SRFBP1: variants seen among roughly 807,000 people sequenced by gnomAD.
SRFBP1 encodes serum response factor-binding protein 1.
Under a neutral mutation model 45.5 loss-of-function variants are expected in SRFBP1, and 47 were observed. The ratio of observed to expected loss-of-function variants is 1.03; its 90% CI spans 0.82 to 1.32. SRFBP1 has a LOEUF of 1.32. SRFBP1 is among the 40% of genes most tolerant of loss of function. The probability of loss-of-function intolerance (pLI) is 0.00; values close to 1 mark genes in which losing one functional copy is unlikely to be tolerated. For synonymous variants in SRFBP1, 203 were observed against 166.3 expected (o/e 1.22, Z -1.70); for missense variants, 621 against 484.6 (o/e 1.28, Z -2.64).
chr5:122,071,858 G>A (rs1754460765), intron 2 of SRFBP1, among the ~76,000 whole-genome samples: 1 of 152,106 alleles, frequency 6.6e-6, no homozygotes, highest in Non-Finnish European at 1.5e-5. Context: ...GGAAGAGCAG[G>A]GGAGAATTGT....
chr5:121,972,460 A>G (rs1458833278), intron 1 of SRFBP1, among the ~76,000 whole-genome samples: 2 of 151,900 alleles, frequency 1.3e-5, no homozygotes, highest in Non-Finnish European at 2.9e-5. Context: ...CAGGATGGCT[A>G]GGAAGAATGG....
At chr5:122,024,416 C>G (rs1203868961) in intron 7 of SRFBP1, among the ~76,000 whole-genome samples, 2 of 152,124 alleles carry the variant, frequency 1.3e-5, no homozygotes, top group African/African-American at 4.8e-5. Context: ...AGTAGACTAC[C>G]TGCTAAATCT....
rs555221187 is a variant in SRFBP1, at chr5:122,037,070, G to A, written n.311+14663G>A. On this transcript the variant is annotated intron_variant and non_coding_transcript_variant, in intron 2 of 2. Coordinates refer to the SRFBP1 transcript ENST00000504881. ...TGCACCACCATGCCTGGCTAATTTT[G>A]TATTTTTGGTAGAAACAGGGTTTCT... is the stretch of plus-strand genomic sequence containing the variant. Among the ~76,000 whole-genome samples, 3 of 152,046 alleles carry A rather than the reference G, an allele frequency of 2.0e-5. No individual in the cohort carries two copies. The South Asian group carries it at 6.2e-4, about 32-fold the overall frequency.
intron 4 of SRFBP1, among the ~76,000 whole-genome samples, chr5:122,005,732 T>C (rs139883200): frequency 5.1e-4 from 78 of 152,256 alleles, no homozygotes; most frequent in African/African-American, 1.8e-3. Flanking sequence ...TTTGTTCCTT[T>C]CTTTCTCTCT....
chr5:122,071,579 A>C (rs1754454749), intron 2 of SRFBP1, among the ~76,000 whole-genome samples: 1 of 152,184 alleles, frequency 6.6e-6, no homozygotes, highest in Admixed American at 6.5e-5. Context: ...GCTTTTAAGA[A>C]TGTTATAGTC....
chr5:121,975,511 G>A lies in SRFBP1; in HGVS notation c.198+124G>A, dbSNP rs1752286577. On this transcript the variant is annotated intron_variant, in intron 3 of 7. Coordinates refer to ENST00000339397, the MANE Select transcript of SRFBP1 (RefSeq NM_152546.3). ...GAGTTGCGTAAGACATCTTGTATCA[G>A]TCTGTTTGGTGAAGAATGTAGCACA... 3.9e-6 allele frequency: 4 copies of A among 1,014,450 alleles called. No homozygotes were observed. In the African/African-American group the frequency reaches 6.5e-5, roughly 16 times the overall value. The allele number at this position is 1,014,450 out of a possible 1,614,324, so 62.8% of individuals were successfully genotyped here.
intron 3 of SRFBP1, among the ~76,000 whole-genome samples, chr5:121,981,927 A>C (rs561894689): frequency 6.6e-6 from 1 of 151,870 alleles, no homozygotes; most frequent in East Asian, 1.9e-4. Flanking sequence ...TACATAGTGA[A>C]CGCTGCTTGG....
At chr5:121,987,946 A>C (rs1752549271) in intron 3 of SRFBP1, among the ~76,000 whole-genome samples, 1 of 152,142 alleles carries the variant, frequency 6.6e-6, no homozygotes, top group Non-Finnish European at 1.5e-5. Context: ...TTGTTCAAAC[A>C]AAGTCCCTGG....
At chr5:121,971,508 A>C (rs1752197379) in intron 1 of SRFBP1, among the ~76,000 whole-genome samples, 1 of 151,904 alleles carries the variant, frequency 6.6e-6, no homozygotes. Context: ...TGTGAATTTG[A>C]GGTGATTTTG....
chr5:122,034,824 A>C (rs1753662552), intron 2 of SRFBP1, among the ~76,000 whole-genome samples: 1 of 151,864 alleles, frequency 6.6e-6, no homozygotes, highest in Non-Finnish European at 1.5e-5. Context: ...GATGTTTAAA[A>C]GTTTTTCTGT....
chr5:122,003,945 TTTTA>T (rs1318301540), intron 4 of SRFBP1, among the ~76,000 whole-genome samples: 3 of 152,114 alleles, frequency 2.0e-5, no homozygotes, highest in Non-Finnish European at 4.4e-5. Flanking sequence ...TGTTTCTATG[TTTTA>T]TTTGAGACAG....
intron 1 of SRFBP1, among the ~76,000 whole-genome samples, chr5:121,966,170 C>T (rs567606806): frequency 5.9e-5 from 9 of 152,290 alleles, no homozygotes; most frequent in South Asian, 2.1e-4. Context: ...TATTTGAATA[C>T]GCTTTATTTC....
chr5:121,971,607 G>A (rs1752200639), intron 1 of SRFBP1, among the ~76,000 whole-genome samples: 1 of 151,952 alleles, frequency 6.6e-6, no homozygotes, highest in Admixed American at 6.6e-5. Flanking sequence ...TAAAATGTTT[G>A]ACTCCTCTTT....
At chr5:121,983,871 C>G (rs979831666) in intron 3 of SRFBP1, among the ~76,000 whole-genome samples, 6 of 151,642 alleles carry the variant, frequency 4.0e-5, no homozygotes, top group African/African-American at 1.5e-4. Context: ...TTTTATTGTT[C>G]TCCTGTTCAA....
downstream of SRFBP1, chr5:122,078,053 A>G (rs1222359734): frequency 3.6e-6 from 5 of 1,375,358 alleles, no homozygotes; most frequent in Non-Finnish European, 4.7e-6. Context: ...ACGGGGCTCA[A>G]ATCACGTGAG....
intron 4 of SRFBP1, 140 bp from the exon 5 acceptor site, chr5:122,019,118 GAT>G (rs1308500508): frequency 1.4e-6 from 1 of 690,548 alleles, no homozygotes; most frequent in Non-Finnish European, 2.4e-6. Context: ...TGATTATACA[GAT>G]ATCTTATCTA....
At chr5:122,076,961 C>A (rs566689604), downstream of SRFBP1, 2 of 1,613,824 alleles carry the variant, frequency 1.2e-6, no homozygotes, top group East Asian at 4.5e-5. Context: ...CGTACGTGGA[C>A]GCCTGGATGT....
intron 2 of SRFBP1, among the ~76,000 whole-genome samples, chr5:122,061,080 T>A (rs1056475932): frequency 1.3e-5 from 2 of 152,006 alleles, no homozygotes; most frequent in Admixed American, 1.3e-4. Context: ...CAATATTAGC[T>A]GTGTGGCAAT....
chr5:122,024,161 G>C (rs1047647433), intron 7 of SRFBP1, among the ~76,000 whole-genome samples: 1 of 152,212 alleles, frequency 6.6e-6, no homozygotes, highest in Admixed American at 6.5e-5. Flanking sequence ...AGGACAGCCA[G>C]TAATACGCTG....
Sources: gnomAD v4.1 joint callset for allele counts (sites outside exome capture counted in the v4.1 genomes callset) on GRCh38, gnomAD v4.1.1 for gene constraint, MANE v1.5 for transcripts, NCBI Gene and HGNC (gene_info 2026-07-23, HGNC 2026-07-21) for gene names.